ATRNL1: variants seen among roughly 807,000 people sequenced by gnomAD.
ATRNL1 encodes the protein attractin like 1, also known as attractin-like protein 1.
ATRNL1 carries 95 observed loss-of-function variants against 182.7 expected under a neutral mutation model. The ratio of observed to expected loss-of-function variants is 0.52; its 90% CI spans 0.44 to 0.62. The LOEUF (loss-of-function observed/expected upper bound fraction) is 0.62. Among genes scored for constraint, ATRNL1 ranks in the 20% least tolerant of loss-of-function variants. ATRNL1 has a pLI of 0.00. For synonymous variants in ATRNL1, 576 were observed against 568.3 expected (o/e 1.01, Z -0.19); for missense variants, 1,471 against 1,679.5 (o/e 0.88, Z 2.17).
chr10:115,652,287 A>G (rs1265111816), intron 26 of ATRNL1, among the ~76,000 whole-genome samples: 1 of 151,366 alleles, frequency 6.6e-6, no homozygotes, highest in Non-Finnish European at 1.5e-5. Context: ...AGGGTTTTCT[A>G]TTTTGTATTT....
intron 27 of ATRNL1, among the ~76,000 whole-genome samples, chr10:115,808,311 A>G (rs1410841132): frequency 1.3e-5 from 2 of 152,148 alleles, no homozygotes; most frequent in African/African-American, 4.8e-5. Context: ...TCAGTGTAGA[A>G]TACTTAAACC....
At chr10:115,445,430 CAAAAAAAAAAAAA>C (rs34068379) in intron 21 of ATRNL1, among the ~76,000 whole-genome samples, 12 of 26,132 alleles carry the variant, frequency 4.6e-4, no homozygotes, top group East Asian at 6.1e-3. Context: ...GATTTCGCCT[CAAAAAAAAAAAAA>C]AAAAAAAAAA....
intron 8 of ATRNL1, among the ~76,000 whole-genome samples, chr10:115,195,904 T>A (rs1848342193): frequency 6.6e-6 from 1 of 152,120 alleles, no homozygotes; most frequent in Admixed American, 6.6e-5. Context: ...TCTCATGCGT[T>A]TTCTAGGAGA....
intron 10 of ATRNL1, among the ~76,000 whole-genome samples, chr10:115,264,874 C>A (rs937252027): frequency 3.3e-5 from 5 of 151,584 alleles, no homozygotes; most frequent in African/African-American, 4.8e-5. Flanking sequence ...ATAAGTTTTA[C>A]TTGGAATATT....
At chr10:115,444,448 G>T (rs547168585) in intron 21 of ATRNL1, among the ~76,000 whole-genome samples, 1 of 152,008 alleles carries the variant, frequency 6.6e-6, no homozygotes, top group South Asian at 2.1e-4. Flanking sequence ...TTATTTAATA[G>T]CTTTTTAGTT....
intron 25 of ATRNL1, among the ~76,000 whole-genome samples, chr10:115,535,971 T>C (rs1461154817): frequency 6.6e-6 from 1 of 150,976 alleles, no homozygotes; most frequent in Non-Finnish European, 1.5e-5. Flanking sequence ...CTCTGGAAGT[T>C]TTGTCTCAGA....
intron 8 of ATRNL1, among the ~76,000 whole-genome samples, chr10:115,176,119 T>G (rs1847495881): frequency 6.6e-6 from 1 of 152,176 alleles, no homozygotes; most frequent in African/African-American, 2.4e-5. Context: ...TTTTGAGAAG[T>G]GTCTGTTCAT....
intron 26 of ATRNL1, among the ~76,000 whole-genome samples, chr10:115,632,690 T>C (rs1427839844): frequency 2.0e-5 from 3 of 152,106 alleles, no homozygotes; most frequent in Admixed American, 2.0e-4. Flanking sequence ...ATGAATATGC[T>C]GCATTATTTA....
intron 24 of ATRNL1, among the ~76,000 whole-genome samples, chr10:115,510,354 G>A (rs1554982354): frequency 1.3e-5 from 2 of 152,120 alleles, no homozygotes; most frequent in East Asian, 1.9e-4. Flanking sequence ...GAAAGGTGCA[G>A]TCAGTCATTG....
intron 26 of ATRNL1, among the ~76,000 whole-genome samples, chr10:115,575,468 C>G (rs1854644702): frequency 6.6e-6 from 1 of 152,052 alleles, no homozygotes; most frequent in South Asian, 2.1e-4. Context: ...GTGTTGTTGA[C>G]ATCTGGAGTG....
chr10:115,791,030 A>G (rs1229587453), intron 27 of ATRNL1, among the ~76,000 whole-genome samples: 2 of 152,212 alleles, frequency 1.3e-5, no homozygotes, highest in Non-Finnish European at 2.9e-5. Flanking sequence ...GAATCTGTCT[A>G]ATGACAATGG....
At chr10:115,266,051 A>G (rs1851594885) in intron 11 of ATRNL1, among the ~76,000 whole-genome samples, 1 of 151,868 alleles carries the variant, frequency 6.6e-6, no homozygotes, top group South Asian at 2.1e-4. Context: ...TGTGAAACAT[A>G]AAACCTCCAG....
At chr10:115,665,642 A>G (rs2133915493) in intron 26 of ATRNL1, among the ~76,000 whole-genome samples, 1 of 152,314 alleles carries the variant, frequency 6.6e-6, no homozygotes, top group South Asian at 2.1e-4. Context: ...TCTTCACCAC[A>G]TATATTTAAG....
At position 115,727,386 on chromosome 10, in the gene ATRNL1, T is replaced by C. The variant is rs782209388; in HGVS notation, c.3903+31T>C. 4 of 1,526,668 alleles carry C rather than the reference T, an allele frequency of 2.6e-6. No individual in the cohort carries two copies. The African/African-American group carries it at 4.1e-5, about 16-fold the overall frequency. The allele number at this position is 1,526,668 out of a possible 1,614,324, so 94.6% of individuals were successfully genotyped here. On this transcript the variant is annotated intron_variant, in intron 27 of 28. Transcript: ENST00000355044. ...AACAGCGGTGCTGAAAGAGGACCAC[T>C]GTGCTTTGCATATTTATTATATTGC...
At chr10:115,668,217 C>T (rs570891466) in intron 26 of ATRNL1, among the ~76,000 whole-genome samples, 44 of 152,186 alleles carry the variant, frequency 2.9e-4, no homozygotes, top group African/African-American at 9.6e-4. Flanking sequence ...CCGGTTCTTA[C>T]GAATCCCTAC....
intron 19 of ATRNL1, among the ~76,000 whole-genome samples, chr10:115,375,586 A>G (rs1222098136): frequency 1.3e-5 from 2 of 151,744 alleles, no homozygotes; most frequent in Non-Finnish European, 2.9e-5. Flanking sequence ...TTGTATTTTT[A>G]TAGTGGTATG....
chr10:115,736,972 G>A (rs184227064), intron 27 of ATRNL1, among the ~76,000 whole-genome samples: 2 of 152,002 alleles, frequency 1.3e-5, no homozygotes, highest in Non-Finnish European at 2.9e-5. Flanking sequence ...TACCGTGTGA[G>A]TTGCTCATAT....
intron 19 of ATRNL1, 64 bp downstream of exon 19, chr10:115,334,483 C>CG: frequency 7.7e-7 from 1 of 1,305,920 alleles, no homozygotes; most frequent in Non-Finnish European, 1.0e-6. Flanking sequence ...AAGAAAGCAG[C>CG]GCCTGTTGTG....
intron 10 of ATRNL1, among the ~76,000 whole-genome samples, chr10:115,247,904 C>T (rs1480303331): frequency 1.3e-5 from 2 of 151,916 alleles, no homozygotes; most frequent in South Asian, 2.1e-4. Flanking sequence ...TTATGTTAAG[C>T]GAAATAAGCC....
Sources: gnomAD v4.1 joint callset for allele counts (sites outside exome capture counted in the v4.1 genomes callset) on GRCh38, gnomAD v4.1.1 for gene constraint, MANE v1.5 for transcripts, NCBI Gene and HGNC (gene_info 2026-07-23, HGNC 2026-07-21) for gene names.